The following PNPT1 variants were observed in gnomAD, a reference collection of about 807,000 sequenced individuals.
The protein encoded by PNPT1 is polyribonucleotide nucleotidyltransferase 1, mitochondrial.
In PNPT1, 53 loss-of-function variants were observed where a neutral mutation model predicts 119.5. The ratio of observed to expected loss-of-function variants is 0.44; its 90% confidence interval spans 0.36 to 0.56. PNPT1 has a LOEUF of 0.56. Among genes scored for constraint, PNPT1 ranks in the 20% least tolerant of loss-of-function variants. PNPT1 has a pLI of 0.00. For synonymous variants in PNPT1, 357 were observed against 322.1 expected, an observed-to-expected ratio of 1.11 and a Z score of -1.16; for missense variants, 948 against 938.5, an observed-to-expected ratio of 1.01 and a Z score of -0.13.
At position 55,650,889 on chromosome 2, in the gene PNPT1, G is replaced by C. The variant is rs537798093; in HGVS notation, c.1496-3436C>G. Among the ~76,000 whole-genome samples the C allele has an allele frequency of 2.9e-4, 44 of 151,824 alleles. No individual in the cohort carries two copies. In the South Asian group the frequency reaches 9.0e-3, roughly 31 times the overall value. On this transcript the variant is annotated intron_variant, in intron 18 of 27. Coordinates refer to ENST00000447944, the MANE Select transcript of PNPT1 (RefSeq NM_033109.5). The stretch of plus-strand genomic sequence containing the variant: ...TGCCCGGCAGCCACCTCGTCCGGCA[G>C]GGAGGTGGGGGGGTCAGCCCCCCGC...
chr2:55,683,754 T>G (rs983345718), intron 5 of PNPT1, 31 bp downstream of exon 5: 13 of 1,577,666 alleles, frequency 8.2e-6, no homozygotes, highest in Admixed American at 1.7e-5. Flanking sequence ...TTGATTGATC[T>G]GGCAACTAAA....
chr2:55,637,850 A>T (rs979102952), intron 26 of PNPT1, among the ~76,000 whole-genome samples: 1 of 152,038 alleles, frequency 6.6e-6, no homozygotes, highest in Non-Finnish European at 1.5e-5. Context: ...AATGCAAAAA[A>T]TTAGCCGGGC....
chr2:55,655,650 C>T (rs563385464), intron 17 of PNPT1, among the ~76,000 whole-genome samples: 11 of 152,316 alleles, frequency 7.2e-5, no homozygotes, highest in Admixed American at 5.2e-4. Context: ...ATCTGATTTA[C>T]GTCTGTTACA....
chr2:55,676,710 A>C lies in PNPT1; in HGVS notation c.679+2972T>G, dbSNP rs564813208. On this transcript the variant is annotated intron_variant, in intron 8 of 27. Coordinates refer to ENST00000447944, the MANE Select transcript of PNPT1 (RefSeq NM_033109.5). ...AACCCTGTCTCTACTAAAAACACAAAAATTAGCCAGGTGTGGTGGTGCACG... is the reference window on the plus strand; with the variant it reads ...AACCCTGTCTCTACTAAAAACACAACAATTAGCCAGGTGTGGTGGTGCACG... 5.3e-5 allele frequency among the ~76,000 whole-genome samples: 8 copies of C among 152,048 alleles called. No individual in the cohort carries two copies. The East Asian group carries it at 5.8e-4, about 11-fold the overall frequency.
chr2:55,686,421 G>A lies in PNPT1; in HGVS notation c.246C>T (p.Val82=). The A allele has an allele frequency of 3.1e-6, 5 of 1,613,868 alleles. No homozygotes were observed. Among genetic ancestry groups the A allele is most frequent in the Non-Finnish European group, 4.2e-6 (5 of 1,179,854 alleles). The change falls in exon 3 of 28, where the codon GTC becomes GTT. Residue 82 remains valine, a synonymous_variant. Transcript: ENST00000447944. ...VVQSGDTAVM[V]TAVSKTKPSP... is the part of the protein sequence containing the mutation. ...AAGGTTTTGTTTTACTGACCGCTGT[G>A]ACCATTACTGCAGTGTCACCTGACT...
intron 8 of PNPT1, among the ~76,000 whole-genome samples, chr2:55,677,024 C>G (rs1297737228): frequency 6.6e-6 from 1 of 152,146 alleles, no homozygotes; most frequent in Non-Finnish European, 1.5e-5. Context: ...GGTTAAAATG[C>G]ATATTTGATG....
At chr2:55,675,998 C>T (rs1046599946) in intron 8 of PNPT1, among the ~76,000 whole-genome samples, 6 of 152,048 alleles carry the variant, frequency 3.9e-5, no homozygotes, top group Non-Finnish European at 8.8e-5. Flanking sequence ...TGGTGGCTCA[C>T]GCTTGTAATC....
chr2:55,668,028 TA>T, intron 11 of PNPT1, 70 bp from the exon 12 acceptor site: 1 of 1,323,266 alleles, frequency 7.6e-7, no homozygotes, highest in African/African-American at 1.5e-5. Flanking sequence ...CTAAAGTTCA[TA>T]GCATAATATC....
Position 55,676,496 on chromosome 2 carries a change from T to G in PNPT1, c.679+3186A>C, listed in dbSNP as rs557809622. On this transcript the variant is annotated intron_variant, in intron 8 of 27. Transcript: ENST00000447944. ...CATCTAAATGGTACGGTTCAGAATG[T>G]TGGTGTTGAAGTAACCCAGCAGCTG... Among the ~76,000 whole-genome samples, 122 of 152,294 alleles carry G rather than the reference T, an allele frequency of 8.0e-4. 2 individuals carry two copies. Among genetic ancestry groups the G allele is most frequent in the Admixed American group, 2.7e-3 (42 of 15,296 alleles).
intron 18 of PNPT1, 145 bp downstream of exon 18, chr2:55,654,755 T>C (rs2104067425): frequency 3.2e-6 from 2 of 622,060 alleles, no homozygotes; most frequent in Middle Eastern, 2.9e-4. Flanking sequence ...TTAATCTTTT[T>C]TGTAGAGATG....
chr2:55,689,299 A>C (rs1224706498), intron 1 of PNPT1, among the ~76,000 whole-genome samples: 2 of 152,216 alleles, frequency 1.3e-5, no homozygotes, highest in Non-Finnish European at 2.9e-5. Flanking sequence ...ATGTCTCCAA[A>C]AAAGACATAC....
At chr2:55,676,607 A>G (rs899345477) in intron 8 of PNPT1, among the ~76,000 whole-genome samples, 3 of 152,174 alleles carry the variant, frequency 2.0e-5, no homozygotes, top group African/African-American at 7.2e-5. Flanking sequence ...CATGCCTGCA[A>G]TCCCGGCACT....
At chr2:55,653,040 G>T (rs534202017) in intron 18 of PNPT1, among the ~76,000 whole-genome samples, 1 of 152,246 alleles carries the variant, frequency 6.6e-6, no homozygotes, top group Non-Finnish European at 1.5e-5. Flanking sequence ...TAGAGACGGG[G>T]TTTCACTATG....
intron 3 of PNPT1, 116 bp downstream of exon 3, chr2:55,686,254 A>C: frequency 1.1e-6 from 1 of 882,318 alleles, no homozygotes; most frequent in Non-Finnish European, 1.7e-6. Context: ...AACTAGGAAA[A>C]ATTCTTTGTT....
intron 8 of PNPT1, among the ~76,000 whole-genome samples, chr2:55,674,734 G>A (rs540015521): frequency 2.5e-4 from 38 of 152,296 alleles, no homozygotes; most frequent in African/African-American, 8.4e-4. Context: ...TCTAACTGTA[G>A]AAGAAAATGA....
rs753204857 is a variant in PNPT1 at position 55,673,063 on chromosome 2, A to G, written c.696T>C (p.Ser232=). The change falls in exon 9 of 28, where the codon TCT becomes TCC. Residue 232 remains serine (S), a synonymous_variant. Coordinates refer to ENST00000447944, the MANE Select transcript of PNPT1 (RefSeq NM_033109.5). The stretch of plus-strand genomic sequence containing the variant: ...AGTCCTGCTGTAAAATGTTCTCTGC[A>G]GAGGCTTCCAACATGACTATTTAAA... ...PKSQIVMLEA[S]AENILQQDFC... 6.3e-7 allele frequency: 1 copy of G among 1,599,342 alleles called. No individual in the cohort carries two copies. Among genetic ancestry groups the G allele is most frequent in the African/African-American group, 1.4e-5 (1 of 73,946 alleles).
rs1457577075 is a variant in PNPT1, at chr2:55,636,252, T to C, written c.2337A>G (p.Ser779=). 4.3e-6 allele frequency: 7 copies of C among 1,610,286 alleles called. No homozygotes were observed. The African/African-American group carries it at 6.7e-5, about 15-fold the overall frequency. Residue 779 remains serine (S), a synonymous_variant, in exon 28 of 28, where the codon TCA becomes TCG. Transcript: ENST00000447944. ...IVMGEPISQS[S]SNSQ is the part of the protein sequence containing the mutation. ...AAAAAAAAAATCACTGAGAATTAGATGATGACTGTGAAATAGGTTCTCCCA... is the reference window on the plus strand; with the variant it reads ...AAAAAAAAAATCACTGAGAATTAGACGATGACTGTGAAATAGGTTCTCCCA...
At chr2:55,679,971 T>C (rs1257607336) in intron 7 of PNPT1, among the ~76,000 whole-genome samples, 176 bp from the exon 8 acceptor site, 2 of 152,208 alleles carry the variant, frequency 1.3e-5, no homozygotes, top group Non-Finnish European at 2.9e-5. Context: ...CTGTCCTCAC[T>C]GGATCACTCT....
intron 1 of PNPT1, among the ~76,000 whole-genome samples, chr2:55,690,492 A>T (rs1050987445): frequency 6.6e-6 from 1 of 152,226 alleles, no homozygotes; most frequent in African/African-American, 2.4e-5. Context: ...TGTCTTTCAC[A>T]TACCAAGGAG....
Sources: allele counts gnomAD v4.1 joint callset (sites outside exome capture counted in the v4.1 genomes callset), GRCh38; gene constraint gnomAD v4.1.1; transcripts MANE v1.5; gene names NCBI Gene and HGNC (gene_info 2026-07-23, HGNC 2026-07-21).